The following SLCO3A1 variants were observed in gnomAD, a reference collection of about 807,000 sequenced individuals.
SLCO3A1 encodes solute carrier organic anion transporter family member 3A1, also known as PGE1 transporter.
A neutral mutation model predicts 63.1 loss-of-function variants in SLCO3A1; 27 were observed. The observed-to-expected ratio is 0.43, with a 90% confidence interval of 0.32 to 0.59. The LOEUF is 0.59. Among genes scored for constraint, SLCO3A1 ranks in the 20% least tolerant of loss-of-function variants. SLCO3A1 has a pLI of 0.09. For missense variants in SLCO3A1, 773 were observed against 945.8 expected, an observed-to-expected ratio of 0.82 and a Z score of 2.40; for synonymous variants, 473 against 409.9, an observed-to-expected ratio of 1.15 and a Z score of -1.86.
chr15:92,091,751 A>T (rs1305112614), intron 2 of SLCO3A1, among the ~76,000 whole-genome samples: 2 of 152,230 alleles, frequency 1.3e-5, no homozygotes. Context: ...GCACCTGAGG[A>T]GGAAGATGCC....
chr15:92,150,358 A>C (rs1404403696), intron 8 of SLCO3A1, among the ~76,000 whole-genome samples: 1 of 152,154 alleles, frequency 6.6e-6, no homozygotes, highest in Admixed American at 6.5e-5. Flanking sequence ...CAACACCCTC[A>C]CAGACACACC....
intron 2 of SLCO3A1, among the ~76,000 whole-genome samples, chr15:92,001,953 A>G (rs1372893718): frequency 2.0e-5 from 3 of 149,794 alleles, no homozygotes; most frequent in Non-Finnish European, 1.5e-5. Flanking sequence ...TTGCCTAGAG[A>G]GATACCTGCT....
intron 2 of SLCO3A1, among the ~76,000 whole-genome samples, chr15:91,934,943 C>T (rs769610655): frequency 1.3e-5 from 2 of 151,972 alleles, no homozygotes; most frequent in East Asian, 1.9e-4. Flanking sequence ...AGGCGTCCTT[C>T]GTGAATTTCC....
intron 1 of SLCO3A1, among the ~76,000 whole-genome samples, chr15:91,905,890 G>A (rs1167181666): frequency 1.3e-5 from 2 of 152,058 alleles, no homozygotes; most frequent in Non-Finnish European, 2.9e-5. Context: ...ATTTGCTTGT[G>A]GCTGCCCCTG....
rs1448106455 is a variant in SLCO3A1 at position 91,894,363 on chromosome 15, A to G, written c.181-21630A>G. 1.3e-5 allele frequency among the ~76,000 whole-genome samples: 2 copies of G among 152,110 alleles called. No homozygotes were observed. Among genetic ancestry groups the G allele is most frequent in the African/African-American group, 2.4e-5 (1 of 41,430 alleles). On this transcript the variant is annotated intron_variant, in intron 1 of 9. Transcript: ENST00000318445. This position sits in a 1 kb window ranked among gnomAD's most constrained non-coding sequence, Gnocchi z 4.8. ...TGCCATGATGTGACTTTGGTACTCA[A>G]AATATCTAATTGCCATGTAGTGTGC...
intron 2 of SLCO3A1, among the ~76,000 whole-genome samples, chr15:92,024,173 A>G (rs2046542724): frequency 6.6e-6 from 1 of 152,268 alleles, no homozygotes; most frequent in African/African-American, 2.4e-5. Context: ...CATGAATGAA[A>G]AAAGCAAAAG....
At chr15:92,115,021 C>T (rs1216129081) in intron 4 of SLCO3A1, among the ~76,000 whole-genome samples, 1 of 152,024 alleles carries the variant, frequency 6.6e-6, no homozygotes, top group East Asian at 1.9e-4. Context: ...ATCTCCCCTT[C>T]TTGGGAGCCG....
Position 91,926,481 on chromosome 15 carries a change from T to C in SLCO3A1, c.646+10023T>C, listed in dbSNP as rs145921536. Among the ~76,000 whole-genome samples, 356 of 151,362 alleles carry C rather than the reference T, an allele frequency of 2.4e-3. 2 individuals are homozygous for C. Among genetic ancestry groups the C allele is most frequent in the East Asian group, 0.016 (81 of 5,140 alleles). ...CTTAACTCCCTCAAATGACTTCATA[T>C]TGTCAGGAATGAATAAGCTAAATAA... On this transcript the variant is annotated intron_variant, in intron 2 of 9. Transcript: ENST00000318445.
intron 2 of SLCO3A1, among the ~76,000 whole-genome samples, chr15:91,926,596 T>TGTGCGTGC: frequency 9.5e-6 from 1 of 105,256 alleles, no homozygotes. Flanking sequence ...TGTGTGTGTG[T>TGTGCGTGC]GCGCGCGCGC....
chr15:92,050,909 A>G (rs576333226), intron 2 of SLCO3A1, among the ~76,000 whole-genome samples: 6 of 151,992 alleles, frequency 3.9e-5, no homozygotes, highest in Non-Finnish European at 5.9e-5. Context: ...CCCACTTAAG[A>G]CTTTCACGCA....
intron 1 of SLCO3A1, among the ~76,000 whole-genome samples, chr15:91,891,527 C>T (rs1473028824): frequency 3.9e-5 from 6 of 152,280 alleles, no homozygotes; most frequent in East Asian, 3.9e-4. Flanking sequence ...CTCCCTCTTA[C>T]GTAGGGGTTC....
chr15:91,963,348 C>T (rs531688657), intron 2 of SLCO3A1, among the ~76,000 whole-genome samples: 27 of 129,218 alleles, frequency 2.1e-4, no homozygotes, highest in African/African-American at 7.8e-4. Context: ...CCCTGTTCAG[C>T]TGTTAGGGAG....
intron 2 of SLCO3A1, among the ~76,000 whole-genome samples, chr15:91,926,558 C>CGTGTGTGTGTGTGTGTGTGTGTGTGT (rs565234731): frequency 1.3e-4 from 16 of 126,038 alleles, no homozygotes; most frequent in African/African-American, 5.1e-4. Flanking sequence ...CCTGCCAAGC[C>CGTGTGTGTGTGTGTGTGTGTGTGTGT]GTGTGTGTGT....
At position 92,147,765 on chromosome 15, in the gene SLCO3A1, C is replaced by A. The variant is rs77926189; in HGVS notation, c.1688+606C>A. Among the ~76,000 whole-genome samples the A allele has an allele frequency of 0.024, 3,684 of 152,220 alleles. 456 individuals are homozygous for A. The East Asian group carries it at 0.36, about 15-fold the overall frequency. ...TTGTTACCTGTCTCTGGGGACCTGT[C>A]CTGGGGATAGGTGAAGTGCCTCAAA... On this transcript the variant is annotated intron_variant, in intron 8 of 9. Transcript: ENST00000318445.
intron 1 of SLCO3A1, among the ~76,000 whole-genome samples, chr15:91,904,301 G>T (rs985355946): frequency 6.6e-6 from 1 of 152,198 alleles, no homozygotes; most frequent in Non-Finnish European, 1.5e-5. Flanking sequence ...CATCCAACAA[G>T]TAGGAAACTG....
intron 7 of SLCO3A1, among the ~76,000 whole-genome samples, chr15:92,146,142 C>G (rs1296320064): frequency 5.9e-5 from 9 of 152,128 alleles, no homozygotes; most frequent in Admixed American, 2.6e-4. Context: ...CATTAAAGGC[C>G]TCTGCACTAT....
intron 2 of SLCO3A1, among the ~76,000 whole-genome samples, chr15:91,981,020 C>CA (rs942522127): frequency 5.1e-4 from 78 of 152,220 alleles, no homozygotes; most frequent in African/African-American, 1.8e-3. Context: ...TTGGGAGAGC[C>CA]AAAAATAGAT....
At position 91,884,559 on chromosome 15, in the gene SLCO3A1, C is replaced by A. The variant is rs553574799; in HGVS notation, c.180+30471C>A. The stretch of plus-strand genomic sequence containing the variant: ...GGAGGGGAGCATTCTGACTTCAGAG[C>A]CTTTTTCTAATATTAAATTGTTTTA... On this transcript the variant is annotated intron_variant, in intron 1 of 9. Transcript: ENST00000318445. Among the ~76,000 whole-genome samples, 9 of 150,066 alleles carry A rather than the reference C, an allele frequency of 6.0e-5. No homozygotes were observed. The South Asian group carries it at 1.9e-3, about 32-fold the overall frequency.
chr15:92,082,082 C>T (rs557100632), intron 2 of SLCO3A1, among the ~76,000 whole-genome samples: 10 of 152,308 alleles, frequency 6.6e-5, no homozygotes, highest in Middle Eastern at 3.4e-3. Flanking sequence ...AATTTGTGCT[C>T]AATAAATGGT....
Sources: allele counts gnomAD v4.1 joint callset (sites outside exome capture counted in the v4.1 genomes callset), GRCh38; gene constraint gnomAD v4.1.1; non-coding constraint Gnocchi (gnomAD v3.1); transcripts MANE v1.5; gene names NCBI Gene and HGNC (gene_info 2026-07-23, HGNC 2026-07-21).